CADPS: variants seen among roughly 807,000 people sequenced by gnomAD.
The protein encoded by CADPS is calcium dependent secretion activator.
CADPS carries 57 observed loss-of-function variants against 167.3 expected under a neutral mutation model. The ratio of observed to expected loss-of-function variants is 0.34; its 90% CI spans 0.28 to 0.42. The LOEUF (loss-of-function observed/expected upper bound fraction) is 0.42. CADPS is among the 20% of genes least tolerant of loss of function. The pLI is 1.00. For synonymous variants in CADPS, 676 were observed against 635.3 expected, an observed-to-expected ratio of 1.06 and a Z score of -0.96; for missense variants, 1,414 against 1,738.1, an observed-to-expected ratio of 0.81 and a Z score of 3.32.
Position 62,474,153 on chromosome 3 carries a change from A to ATTTTTTTTTTTCT in CADPS, c.3477+19_3477+20insAGAAAAAAAAAAA. The ATTTTTTTTTTTCT allele has an allele frequency of 1.4e-6, 1 of 735,996 alleles. No homozygotes were observed. The allele number at this position is 735,996 out of a possible 1,614,324, so 45.6% of individuals were successfully genotyped here. On this transcript the variant is annotated intron_variant, in intron 24 of 29. Coordinates refer to ENST00000383710, the MANE Select transcript of CADPS (RefSeq NM_003716.4). ...AATGAAGAGGGAAAAAAAAATCTGT[A>ATTTTTTTTTTTCT]TTTTTTTTTTTTTTTTTACCTCTTG... is the stretch of plus-strand genomic sequence containing the variant.
intron 11 of CADPS, among the ~76,000 whole-genome samples, chr3:62,541,031 C>G (rs573285933): frequency 6.6e-6 from 1 of 152,082 alleles, no homozygotes; most frequent in Non-Finnish European, 1.5e-5. Context: ...ATTTGAACAT[C>G]GGGTTAAGCA....
At chr3:62,547,559 A>G (rs1226782588) in intron 11 of CADPS, among the ~76,000 whole-genome samples, 1 of 138,854 alleles carries the variant, frequency 7.2e-6, no homozygotes, top group Non-Finnish European at 1.5e-5. Context: ...CCTACTTTAC[A>G]TATTCCCTAG....
intron 6 of CADPS, among the ~76,000 whole-genome samples, chr3:62,599,745 A>ATTATATATATTGTATATAATAT (rs1562709133): frequency 1.2e-4 from 3 of 24,454 alleles, no homozygotes; most frequent in Admixed American, 7.3e-4. Flanking sequence ...TAATATATAT[A>ATTATATATATTGTATATAATAT]ATCTATTATA....
In CADPS at chr3:62,817,474, A is replaced by G. The variant is rs555373241; in HGVS notation, c.442-51490T>C. On this transcript the variant is annotated intron_variant, in intron 1 of 29. Coordinates refer to ENST00000383710, the MANE Select transcript of CADPS (RefSeq NM_003716.4). Reference sequence around the variant, plus strand: ...GCAGGGCTCCCTGGAAAAGGAAAAAATCTACTGCACAGTTTGGATGTTTAA... The same window carrying G: ...GCAGGGCTCCCTGGAAAAGGAAAAAGTCTACTGCACAGTTTGGATGTTTAA... 7.2e-5 allele frequency among the ~76,000 whole-genome samples: 11 copies of G among 152,256 alleles called. No homozygotes were observed. In the East Asian group the frequency reaches 1.5e-3, roughly 21 times the overall value.
chr3:62,795,124 A>T (rs530862146), intron 1 of CADPS, among the ~76,000 whole-genome samples: 1 of 152,098 alleles, frequency 6.6e-6, no homozygotes, highest in Non-Finnish European at 1.5e-5. Flanking sequence ...ATCTCTATAT[A>T]CGAATAGACT....
At chr3:62,569,247 T>C (rs1424209570) in intron 9 of CADPS, among the ~76,000 whole-genome samples, 9 of 152,112 alleles carry the variant, frequency 5.9e-5, no homozygotes, top group East Asian at 1.9e-4. Context: ...ATTACAAGCA[T>C]GCACCACCAT....
At chr3:62,699,853 T>C (rs905537354) in intron 3 of CADPS, among the ~76,000 whole-genome samples, 8 of 152,248 alleles carry the variant, frequency 5.3e-5, no homozygotes, top group Admixed American at 3.3e-4. Context: ...ACACCGTGCC[T>C]GGCCTGTTTT....
chr3:62,681,587 C>A (rs1506750), intron 3 of CADPS, among the ~76,000 whole-genome samples: 25,282 of 151,958 alleles, frequency 0.17, 2,582 homozygotes, highest in African/African-American at 0.29. Flanking sequence ...CTTCTGAGGG[C>A]AGAAACTATA....
rs2051137650 is a variant in CADPS at position 62,420,797 on chromosome 3, T to A, written c.3777+17307A>T. On this transcript the variant is annotated intron_variant, in intron 28 of 29. Transcript: ENST00000383710. This position sits in a 1 kb window ranked among gnomAD's most constrained non-coding sequence, Gnocchi z 4.1. The stretch of plus-strand genomic sequence containing the variant: ...TATTTTTACTCTCAGGAAACCGTAT[T>A]CTCCTCTTTCTACTTCTCACTGCAT... Among the ~76,000 whole-genome samples, 1 of 151,760 alleles carries A rather than the reference T, an allele frequency of 6.6e-6. No homozygotes were observed. Among genetic ancestry groups the A allele is most frequent in the African/African-American group, 2.4e-5 (1 of 41,304 alleles).
intron 28 of CADPS, among the ~76,000 whole-genome samples, chr3:62,423,237 C>G (rs1448209700): frequency 6.6e-6 from 1 of 152,146 alleles, no homozygotes; most frequent in Non-Finnish European, 1.5e-5. Context: ...AGCTTGAGTC[C>G]AGTGACAATG....
intron 3 of CADPS, among the ~76,000 whole-genome samples, chr3:62,719,660 G>C (rs1445652729): frequency 6.6e-6 from 1 of 152,158 alleles, no homozygotes; most frequent in Non-Finnish European, 1.5e-5. Flanking sequence ...TGCAAATAAG[G>C]GTAATGCATC....
chr3:62,683,184 A>C (rs567051821), intron 3 of CADPS, among the ~76,000 whole-genome samples: 59 of 152,134 alleles, frequency 3.9e-4, no homozygotes, highest in African/African-American at 1.0e-3. Context: ...TGCTAGAAGC[A>C]ATAAGACGTC....
chr3:62,865,489 C>A (rs1257614863), intron 1 of CADPS, among the ~76,000 whole-genome samples: 1 of 151,968 alleles, frequency 6.6e-6, no homozygotes, highest in Non-Finnish European at 1.5e-5. Context: ...ATATTTTCCT[C>A]CCATGGGCTG....
At chr3:62,860,162 G>A (rs2080501483) in intron 1 of CADPS, among the ~76,000 whole-genome samples, 1 of 152,116 alleles carries the variant, frequency 6.6e-6, no homozygotes, top group South Asian at 2.1e-4. Context: ...TAGCATATCT[G>A]TTTTCCTTCC....
chr3:62,536,687 T>C, intron 11 of CADPS, 106 bp from the exon 12 acceptor site: 4 of 1,143,546 alleles, frequency 3.5e-6, no homozygotes, highest in Admixed American at 4.0e-5. Context: ...GAACGTTAGC[T>C]GTTTCCCCGT....
Position 62,753,451 on chromosome 3 carries a change from T to C in CADPS, c.878A>G (p.Asn293Ser), listed in dbSNP as rs764442493. 7 of 1,608,988 alleles carry C rather than the reference T, an allele frequency of 4.4e-6. No individual in the cohort carries two copies. The highest frequency in any genetic ancestry group is 6.0e-6 in the Non-Finnish European group (7 of 1,176,146). The change falls in exon 3 of 30, where the codon AAT becomes AGT. Residue 293 changes from asparagine to serine, a missense_variant. This residue lies in a region of CADPS where 522 missense variants were observed against 559.5 expected (regional missense o/e 0.93). Coordinates refer to ENST00000383710, the MANE Select transcript of CADPS (RefSeq NM_003716.4). The surrounding 1 kb of genome is among the most constrained non-coding windows in gnomAD (Gnocchi z 4.6). ...CGAGAAACACCTTACCTGGCAGGCA[T>C]TGTAAAGGAGCTGATGTTCGAACTT... Reference protein sequence around the residue: ...IKKFEHQLLYNACQLDNPDEQ... With the variant: ...IKKFEHQLLYSACQLDNPDEQ...
In CADPS at chr3:62,420,418, C is replaced by A. The variant is rs2051045561; in HGVS notation, c.3778-17233G>T. Among the ~76,000 whole-genome samples, 1 of 152,146 alleles carries A rather than the reference C, an allele frequency of 6.6e-6. No individual in the cohort carries two copies. The highest frequency in any genetic ancestry group is 1.5e-5 in the Non-Finnish European group (1 of 68,024). ...TGGTTTCCAAAAAGCAGTCAACATACAAGGACTGGGTGCAGGGACAATATT... is the reference window on the plus strand; with the variant it reads ...TGGTTTCCAAAAAGCAGTCAACATAAAAGGACTGGGTGCAGGGACAATATT... On this transcript the variant is annotated intron_variant, in intron 28 of 29. Coordinates refer to ENST00000383710, the MANE Select transcript of CADPS (RefSeq NM_003716.4). This position sits in a 1 kb window ranked among gnomAD's most constrained non-coding sequence, Gnocchi z 4.1.
intron 1 of CADPS, among the ~76,000 whole-genome samples, chr3:62,834,065 G>T (rs2075541218): frequency 6.6e-6 from 1 of 151,980 alleles, no homozygotes; most frequent in Non-Finnish European, 1.5e-5. Context: ...TCTCTGTCAT[G>T]GGTCTTTGTA....
intron 16 of CADPS, chr3:62,513,816 G>T: frequency 1.5e-6 from 1 of 687,596 alleles, no homozygotes; most frequent in Non-Finnish European, 2.6e-6. Flanking sequence ...TAGCCACAGA[G>T]TATTTTGGGA....
Sources: allele counts gnomAD v4.1 joint callset (sites outside exome capture counted in the v4.1 genomes callset), GRCh38; gene constraint gnomAD v4.1.1; regional missense constraint gnomAD v4.1.1; non-coding constraint Gnocchi (gnomAD v3.1); transcripts MANE v1.5; gene names NCBI Gene and HGNC (gene_info 2026-07-23, HGNC 2026-07-21).